The following MYO9B variants were observed in gnomAD, a reference collection of about 807,000 sequenced individuals.
MYO9B encodes the protein myosin IXB.
MYO9B carries 71 observed loss-of-function variants against 229.5 expected under a neutral mutation model. The ratio of observed to expected loss-of-function variants is 0.31; its 90% CI spans 0.26 to 0.38. The LOEUF is 0.38. Ranked by LOEUF, MYO9B falls within the 10% of genes least tolerant of loss-of-function variation. The pLI is 1.00. For synonymous variants in MYO9B, 1,185 were observed against 1,235.8 expected, an observed-to-expected ratio of 0.96 and a Z score of 0.86; for missense variants, 2,255 against 2,920.5, an observed-to-expected ratio of 0.77 and a Z score of 5.25.
intron 2 of MYO9B, among the ~76,000 whole-genome samples, chr19:17,144,600 CAA>C (rs967239561): frequency 7.6e-6 from 1 of 132,202 alleles, no homozygotes. Context: ...CTGTCTCAAA[CAA>C]AAAAAAAAAG....
chr19:17,204,880 A>G (rs995838268), intron 30 of MYO9B, among the ~76,000 whole-genome samples: 2 of 152,170 alleles, frequency 1.3e-5, no homozygotes, highest in African/African-American at 4.8e-5. Flanking sequence ...GGCCAGGTGC[A>G]GTGGCTTACG....
intron 14 of MYO9B, among the ~76,000 whole-genome samples, chr19:17,180,380 G>C (rs1235330039): frequency 9.4e-6 from 1 of 105,858 alleles, no homozygotes; most frequent in Admixed American, 1.4e-4. Context: ...ACAGAGTCTC[G>C]CTCTGTCTCC....
intron 2 of MYO9B, among the ~76,000 whole-genome samples, chr19:17,111,132 GAC>G (rs1439481984): frequency 1.3e-5 from 2 of 152,202 alleles, no homozygotes; most frequent in Admixed American, 6.5e-5. Flanking sequence ...TGTCGGGCAA[GAC>G]ACAGTTGGAT....
intron 2 of MYO9B, among the ~76,000 whole-genome samples, chr19:17,106,963 T>C (rs1273040105): frequency 6.6e-6 from 1 of 152,200 alleles, no homozygotes. Flanking sequence ...CTTCGGAGGC[T>C]GAGGCAGGAG....
intron 1 of MYO9B, among the ~76,000 whole-genome samples, chr19:17,096,926 G>A (rs375340729): frequency 5.2e-4 from 78 of 149,042 alleles, no homozygotes; most frequent in African/African-American, 1.6e-3. Flanking sequence ...ATCTGACCTC[G>A]TGATCCGCCC....
chr19:17,200,569 G>A (rs538745161), intron 25 of MYO9B, 70 bp from the exon 26 acceptor site: 105 of 1,523,948 alleles, frequency 6.9e-5, no homozygotes, highest in Middle Eastern at 2.0e-4. Context: ...GGATAAAGGC[G>A]TGCCATAGGA....
intron 39 of MYO9B, 51 bp downstream of exon 39, chr19:17,211,825 GC>G: frequency 6.2e-7 from 1 of 1,610,524 alleles, no homozygotes; most frequent in Non-Finnish European, 8.5e-7. Flanking sequence ...ATCCCAGCAG[GC>G]CCCAGGGCGA....
chr19:17,078,639 C>G (rs1038013822), intron 1 of MYO9B, among the ~76,000 whole-genome samples: 1 of 152,154 alleles, frequency 6.6e-6, no homozygotes, highest in Non-Finnish European at 1.5e-5. Flanking sequence ...TAGGGACAAC[C>G]AATGCAAGCT....
At chr19:17,120,338 AT>A (rs988584564) in intron 2 of MYO9B, among the ~76,000 whole-genome samples, 3 of 152,154 alleles carry the variant, frequency 2.0e-5, no homozygotes, top group African/African-American at 7.2e-5. Flanking sequence ...TTCAAAGGAG[AT>A]TATTTAGCCA....
chr19:17,094,732 A>C (rs949072165), intron 1 of MYO9B, among the ~76,000 whole-genome samples: 8 of 152,160 alleles, frequency 5.3e-5, no homozygotes, highest in African/African-American at 1.9e-4. Flanking sequence ...GCTTGAGCCC[A>C]GGAGTTTGAG....
chr19:17,202,994 C>A, intron 29 of MYO9B, 111 bp downstream of exon 29: 1 of 1,411,648 alleles, frequency 7.1e-7, no homozygotes, highest in Non-Finnish European at 9.8e-7. Context: ...CGTATGTGTG[C>A]GTGGACACGT....
intron 2 of MYO9B, among the ~76,000 whole-genome samples, chr19:17,109,849 C>T (rs768021280): frequency 6.6e-6 from 1 of 152,206 alleles, no homozygotes; most frequent in African/African-American, 2.4e-5. Flanking sequence ...ATGACATCTG[C>T]CAAGACCCCG....
intron 2 of MYO9B, among the ~76,000 whole-genome samples, chr19:17,131,342 C>T (rs2072193528): frequency 6.6e-6 from 1 of 152,272 alleles, no homozygotes; most frequent in African/African-American, 2.4e-5. Flanking sequence ...GATCTCGGCA[C>T]ACTGCAACCG....
intron 1 of MYO9B, among the ~76,000 whole-genome samples, chr19:17,096,980 ACGCCCGGC>A (rs149789773): frequency 0.14 from 21,139 of 150,816 alleles, 1,772 homozygotes; most frequent in Non-Finnish European, 0.2. Flanking sequence ...GTGAGCCACC[ACGCCCGGC>A]CTGTTGTTGC....
chr19:17,200,671 G>C lies in MYO9B; in HGVS notation c.4405G>C (p.Gly1469Arg), dbSNP rs1330461982. The C allele has an allele frequency of 6.2e-7, 1 of 1,613,988 alleles. No individual in the cohort carries two copies. The highest frequency in any genetic ancestry group is 8.5e-7 in the Non-Finnish European group (1 of 1,179,862). The stretch of plus-strand genomic sequence containing the variant: ...CGGACAGCAGCATCGCCACGCTGCA[G>C]GTGAGAAGCGCACCAAGGAACCAGG... ...PSGQQHRHAAGEKRTKEPGGK... is the reference protein window; with the variant it reads ...PSGQQHRHAAREKRTKEPGGK... The change falls in exon 26 of 40, where the codon GGT (glycine) becomes CGT (arginine). Residue 1469 changes from glycine to arginine, a missense_variant. Coordinates refer to ENST00000682292, the MANE Select transcript of MYO9B (RefSeq NM_004145.4).
chr19:17,098,017 G>A (rs2057708948), intron 1 of MYO9B, among the ~76,000 whole-genome samples: 1 of 150,324 alleles, frequency 6.7e-6, no homozygotes, highest in African/African-American at 2.5e-5. Context: ...TACTCACCTC[G>A]TGAACGAACT....
chr19:17,162,525 A>AAGG, intron 9 of MYO9B, 59 bp downstream of exon 9: 4 of 1,423,782 alleles, frequency 2.8e-6, no homozygotes, highest in Non-Finnish European at 3.8e-6. Flanking sequence ...CCTCACTACC[A>AAGG]ATATCCTTGG....
chr19:17,183,962 C>T (rs2072889578), intron 16 of MYO9B, 94 bp downstream of exon 16: 2 of 1,244,202 alleles, frequency 1.6e-6, no homozygotes, highest in Non-Finnish European at 2.2e-6. Flanking sequence ...TTCATTTCCT[C>T]CTCCTTCCCA....
intron 33 of MYO9B, 84 bp from the exon 34 acceptor site, chr19:17,206,595 G>A: frequency 7.4e-7 from 1 of 1,353,942 alleles, no homozygotes; most frequent in Non-Finnish European, 1.0e-6. Flanking sequence ...GATGGCACCT[G>A]TGCATCTCAG....
Sources: allele counts gnomAD v4.1 joint callset (sites outside exome capture counted in the v4.1 genomes callset), GRCh38; gene constraint gnomAD v4.1.1; transcripts MANE v1.5; gene names NCBI Gene and HGNC (gene_info 2026-07-23, HGNC 2026-07-21).